Variants in COL4A2 observed in about 807,000 individuals in gnomAD.
COL4A2 encodes the protein collagen alpha-2(IV) chain.
Under a neutral mutation model 200.2 loss-of-function variants are expected in COL4A2, and 99 were observed. The ratio of observed to expected loss-of-function variants is 0.49; its 90% CI spans 0.42 to 0.58. The LOEUF is 0.58. COL4A2 is among the 20% of genes least tolerant of loss of function. The pLI is 0.00. For synonymous variants in COL4A2, 897 were observed against 900.6 expected (o/e 1.00, Z 0.07); for missense variants, 1,950 against 2,314.1 (o/e 0.84, Z 3.23).
In COL4A2 at chr13:110,318,949, C is replaced by T. The variant is rs147128880; in HGVS notation, c.99+10826C>T. The stretch of plus-strand genomic sequence containing the variant: ...ATTATGGGCAGGTTGGGGGTTGTGT[C>T]TGCAGGATTCTCGGTTCTGCAGGTG... On this transcript the variant is annotated intron_variant, in intron 3 of 47. Transcript: ENST00000360467. Among the ~76,000 whole-genome samples, 150 of 152,144 alleles carry T rather than the reference C, an allele frequency of 9.9e-4. 1 individual carries two copies. Among genetic ancestry groups the T allele is most frequent in the African/African-American group, 3.3e-3 (139 of 41,494 alleles).
rs988440716 is a variant in COL4A2 at position 110,439,810 on chromosome 13, G to A, written c.934G>A (p.Glu312Lys). The A allele has an allele frequency of 1.2e-6, 2 of 1,613,930 alleles. No homozygotes were observed. The highest frequency in any genetic ancestry group is 1.7e-5 in the Admixed American group (1 of 59,974). Residue 312 changes from glutamate (E) to lysine (K), a missense_variant, in exon 16 of 48, where the codon GAA becomes AAA. Glu to Lys is a moderately conservative substitution (Grantham distance 56). Around this residue, in one of 2 missense-constraint regions of COL4A2, gnomAD observed 565 missense variants for 593.5 expected, o/e 0.95. Coordinates refer to ENST00000360467, the MANE Select transcript of COL4A2 (RefSeq NM_001846.4). Reference sequence around the variant, plus strand: ...CCAGGGTTACCCTGGCTTGAGTGGTGAAAAAGGATCACCAGGACAGAAGGT... The same window carrying A: ...CCAGGGTTACCCTGGCTTGAGTGGTAAAAAAGGATCACCAGGACAGAAGGT... Reference protein sequence around the residue: ...GLRGYPGLSGEKGSPGQKGSR... With the variant: ...GLRGYPGLSGKKGSPGQKGSR...
At chr13:110,441,326 C>G (rs74534245) in intron 16 of COL4A2, among the ~76,000 whole-genome samples, 5,983 of 152,268 alleles carry the variant, frequency 0.039, 172 homozygotes, top group East Asian at 0.14. Context: ...CTCCCAGACT[C>G]GCTTTCTGAC....
intron 18 of COL4A2, among the ~76,000 whole-genome samples, chr13:110,447,429 G>T (rs1038481834): frequency 6.6e-6 from 1 of 152,134 alleles, no homozygotes; most frequent in Non-Finnish European, 1.5e-5. Context: ...AGGACTTTGC[G>T]CATGTCGTCA....
At chr13:110,354,355 TTAG>T (rs1325804117) in intron 3 of COL4A2, among the ~76,000 whole-genome samples, 7 of 152,324 alleles carry the variant, frequency 4.6e-5, no homozygotes, top group Middle Eastern at 3.4e-3. Context: ...ACTTTCTGGC[TTAG>T]TATGGAGTTG....
intron 10 of COL4A2, chr13:110,430,918 T>C (rs543496628): frequency 3.5e-6 from 2 of 568,496 alleles, no homozygotes; most frequent in Non-Finnish European, 6.8e-6. Flanking sequence ...CCATCATCCC[T>C]GGGCAAGGCA....
At chr13:110,466,616 A>G (rs982585834) in intron 26 of COL4A2, among the ~76,000 whole-genome samples, 9 of 152,214 alleles carry the variant, frequency 5.9e-5, no homozygotes, top group African/African-American at 1.7e-4. Context: ...AAAGTAAACA[A>G]AGTCACAAAG....
intron 4 of COL4A2, among the ~76,000 whole-genome samples, chr13:110,387,005 C>T (rs951567233): frequency 9.2e-5 from 14 of 152,020 alleles, no homozygotes; most frequent in East Asian, 5.8e-4. Context: ...TTTGGGAGGC[C>T]GAGGCGGGTG....
At chr13:110,384,914 G>C (rs1420734435) in intron 4 of COL4A2, among the ~76,000 whole-genome samples, 1 of 152,228 alleles carries the variant, frequency 6.6e-6, no homozygotes, top group African/African-American at 2.4e-5. Flanking sequence ...GAAAAGAGGA[G>C]ATGAGGGTAC....
At chr13:110,315,474 C>T (rs1243112270) in intron 3 of COL4A2, among the ~76,000 whole-genome samples, 3 of 152,206 alleles carry the variant, frequency 2.0e-5, no homozygotes, top group Non-Finnish European at 4.4e-5. Flanking sequence ...TGGCTCCCTG[C>T]AACCTCTGCC....
rs182181311 is a variant in COL4A2 at position 110,390,469 on chromosome 13, C to T, written c.180+32917C>T. Among the ~76,000 whole-genome samples, 5 of 152,284 alleles carry T rather than the reference C, an allele frequency of 3.3e-5. No homozygotes were observed. In the East Asian group the frequency reaches 7.7e-4, roughly 24 times the overall value. On this transcript the variant is annotated intron_variant, in intron 4 of 47. Transcript: ENST00000360467. ...CGCTGGGAGTCTGTGGGTGGGACCCCGAGTGGTGATGTGTTGCACTCAACG... is the reference window on the plus strand; with the variant it reads ...CGCTGGGAGTCTGTGGGTGGGACCCTGAGTGGTGATGTGTTGCACTCAACG...
chr13:110,466,390 C>A (rs910504596), intron 26 of COL4A2, among the ~76,000 whole-genome samples: 1 of 152,134 alleles, frequency 6.6e-6, no homozygotes, highest in Non-Finnish European at 1.5e-5. Context: ...CAGACGGTGG[C>A]GAGGATGTCA....
intron 35 of COL4A2, 32 bp downstream of exon 35, chr13:110,489,540 G>A (rs375853593): frequency 3.1e-6 from 5 of 1,612,896 alleles, no homozygotes; most frequent in Non-Finnish European, 4.2e-6. Flanking sequence ...AAAACAGGGA[G>A]TCCACAATTC....
At chr13:110,417,036 A>G (rs1361434401) in intron 4 of COL4A2, among the ~76,000 whole-genome samples, 1 of 150,528 alleles carries the variant, frequency 6.6e-6, no homozygotes, top group East Asian at 1.9e-4. Flanking sequence ...GCTGGAGTGC[A>G]GTGGCACGAT....
chr13:110,384,211 T>C (rs1032263185), intron 4 of COL4A2, among the ~76,000 whole-genome samples: 1 of 152,338 alleles, frequency 6.6e-6, no homozygotes, highest in East Asian at 1.9e-4. Flanking sequence ...AATTAGGTCG[T>C]AATCATACAT....
intron 39 of COL4A2, 49 bp from the exon 40 acceptor site, chr13:110,495,293 T>A: frequency 6.2e-7 from 1 of 1,613,004 alleles, no homozygotes; most frequent in Non-Finnish European, 8.5e-7. Context: ...GAAAGTCAAC[T>A]GTATGGTTGG....
intron 6 of COL4A2, 60 bp downstream of exon 6, chr13:110,425,057 TG>T (rs1211699958): frequency 7.5e-6 from 12 of 1,596,114 alleles, no homozygotes; most frequent in Admixed American, 3.4e-5. Context: ...CAATACATTT[TG>T]TGACTTAAAG....
chr13:110,379,048 T>C (rs975693025), intron 4 of COL4A2, among the ~76,000 whole-genome samples: 1 of 152,202 alleles, frequency 6.6e-6, no homozygotes, highest in Non-Finnish European at 1.5e-5. Flanking sequence ...ACCTGCCTAG[T>C]TCCGCAGGCA....
intron 3 of COL4A2, among the ~76,000 whole-genome samples, chr13:110,329,970 C>A (rs1875824033): frequency 6.6e-6 from 1 of 152,160 alleles, no homozygotes; most frequent in Non-Finnish European, 1.5e-5. Flanking sequence ...AAGGACAAGA[C>A]CAAGTGTGAC....
At chr13:110,498,849 C>T (rs1883543165) in intron 40 of COL4A2, among the ~76,000 whole-genome samples, 1 of 152,244 alleles carries the variant, frequency 6.6e-6, no homozygotes, top group Non-Finnish European at 1.5e-5. Flanking sequence ...GCCCTCCTTG[C>T]ATTCCATCCC....
Sources: gnomAD v4.1 joint callset for allele counts (sites outside exome capture counted in the v4.1 genomes callset) on GRCh38, gnomAD v4.1.1 for gene constraint, gnomAD v4.1.1 regional missense constraint, MANE v1.5 for transcripts, NCBI Gene and HGNC (gene_info 2026-07-23, HGNC 2026-07-21) for gene names.